FRMPD4: variants seen among roughly 807,000 people sequenced by gnomAD.
FRMPD4 encodes FERM and PDZ domain containing 4.
A neutral mutation model predicts 94.1 loss-of-function variants in FRMPD4; 22 were observed. The observed-to-expected ratio is 0.23, with a 90% CI of 0.17 to 0.33. The LOEUF (loss-of-function observed/expected upper bound fraction) is 0.33. Ranked by LOEUF, FRMPD4 falls within the 10% of genes least tolerant of loss-of-function variation. The pLI, the probability that FRMPD4 is intolerant of heterozygous loss-of-function variation, is 1.00. For synonymous variants in FRMPD4, 631 were observed against 548.6 expected (o/e 1.15, Z -2.10); for missense variants, 1,111 against 1,339.9 (o/e 0.83, Z 2.67).
chrX:11,840,474 T>C (rs745584919), intron 1 of FRMPD4, among the ~76,000 whole-genome samples: 73 of 110,928 alleles, frequency 6.6e-4, no homozygotes, highest in African/African-American at 2.2e-3. Context: ...TAGGAATTTT[T>C]AACATGTGGA....
intron 1 of FRMPD4, among the ~76,000 whole-genome samples, chrX:12,262,146 C>G (rs1256638225): frequency 1.8e-5 from 2 of 112,256 alleles, no homozygotes; most frequent in East Asian, 5.5e-4. Context: ...TATTGGAACA[C>G]AGCCATACCC....
chrX:12,380,552 C>T (rs1314456640), intron 1 of FRMPD4, among the ~76,000 whole-genome samples: 1 of 112,063 alleles, frequency 8.9e-6, no homozygotes, highest in Non-Finnish European at 1.9e-5. Context: ...GTCATGGGAA[C>T]TATTTTGCTT....
chrX:12,648,748 T>C (rs2059570321), intron 4 of FRMPD4, among the ~76,000 whole-genome samples: 1 of 112,180 alleles, frequency 8.9e-6, no homozygotes, highest in Admixed American at 9.5e-5. Flanking sequence ...AAAACCTTTT[T>C]ATGGGAACTT....
intron 3 of FRMPD4, among the ~76,000 whole-genome samples, chrX:11,909,701 C>T (rs2053986446): frequency 9.0e-6 from 1 of 110,855 alleles, no homozygotes; most frequent in South Asian, 3.8e-4. Context: ...GCTTTATCTG[C>T]ATCCCACACA....
intron 1 of FRMPD4, among the ~76,000 whole-genome samples, chrX:12,408,711 A>C (rs1185007821): frequency 9.0e-6 from 1 of 111,476 alleles, no homozygotes; most frequent in Non-Finnish European, 1.9e-5. Flanking sequence ...CAAAAACCCA[A>C]ACTGGCTAAT....
At chrX:12,346,278 GA>G (rs36067490) in intron 1 of FRMPD4, among the ~76,000 whole-genome samples, 202 of 100,130 alleles carry the variant, frequency 2.0e-3, no homozygotes, top group East Asian at 5.2e-3. Flanking sequence ...TGTTTTGCAG[GA>G]AAAAAAAAAA....
At chrX:12,107,530 C>T (rs762920966) in intron 3 of FRMPD4, among the ~76,000 whole-genome samples, 8 of 112,184 alleles carry the variant, frequency 7.1e-5, no homozygotes, top group South Asian at 3.7e-4. Context: ...TTGCCAGCAA[C>T]GGAACAAAGT....
chrX:11,824,479 G>A (rs953209479), intron 1 of FRMPD4, among the ~76,000 whole-genome samples: 1 of 111,325 alleles, frequency 9.0e-6, no homozygotes, highest in African/African-American at 3.3e-5. Flanking sequence ...GTGGGATGTT[G>A]AGAAGCATCC....
chrX:12,645,487 C>T (rs184146889), intron 4 of FRMPD4, among the ~76,000 whole-genome samples: 61 of 107,690 alleles, frequency 5.7e-4, no homozygotes, highest in African/African-American at 2.0e-3. Flanking sequence ...TCCCGAGTAG[C>T]TGGGATTGGA....
chrX:12,478,498 A>G (rs1411313376), intron 1 of FRMPD4, among the ~76,000 whole-genome samples: 2 of 111,918 alleles, frequency 1.8e-5, no homozygotes, highest in Non-Finnish European at 3.8e-5. Context: ...TGGGAGGATC[A>G]CTTGTGTCCT....
In FRMPD4 at chrX:12,519,097, A is replaced by T. The variant is rs776203852; in HGVS notation, c.158+20301A>T. On this transcript the variant is annotated intron_variant, in intron 2 of 16. Transcript: ENST00000675598. The stretch of plus-strand genomic sequence containing the variant: ...CCATACTAATGGATTGGAAGACTTA[A>T]TATTGTTAAATGTCAATATTGCCCA... Among the ~76,000 whole-genome samples the T allele has an allele frequency of 3.5e-5, 4 of 112,681 alleles. No individual in the cohort carries two copies. In the South Asian group the frequency reaches 1.4e-3, roughly 41 times the overall value.
intron 1 of FRMPD4, among the ~76,000 whole-genome samples, chrX:12,358,017 T>C (rs1287781834): frequency 3.6e-5 from 4 of 112,076 alleles, no homozygotes; most frequent in African/African-American, 1.3e-4. Context: ...CCTTCTTTCA[T>C]TTAGCATAAT....
chrX:12,097,627 C>T (rs4291442), intron 3 of FRMPD4, among the ~76,000 whole-genome samples: 10 of 112,076 alleles, frequency 8.9e-5, no homozygotes, highest in South Asian at 3.7e-4. Flanking sequence ...TATAGATTTG[C>T]GATTCTGAAC....
chrX:12,058,211 C>A (rs1364378042), intron 3 of FRMPD4, among the ~76,000 whole-genome samples: 1 of 111,715 alleles, frequency 9.0e-6, no homozygotes, highest in Non-Finnish European at 1.9e-5. Flanking sequence ...TCCCACTTAA[C>A]CTGTGCTCAG....
At chrX:12,334,662 T>TTGGCCCTTG (rs1220597633) in intron 1 of FRMPD4, among the ~76,000 whole-genome samples, 2 of 110,611 alleles carry the variant, frequency 1.8e-5, no homozygotes, top group African/African-American at 6.6e-5. Context: ...AAGAGGTGTT[T>TTGGCCCTTG]TGGCCCTTGT....
intron 1 of FRMPD4, among the ~76,000 whole-genome samples, chrX:11,850,342 T>G (rs1338393142): frequency 8.9e-6 from 1 of 112,655 alleles, no homozygotes; most frequent in Non-Finnish European, 1.9e-5. Context: ...TCTTTTGCAC[T>G]GTTAGTGGGA....
At chrX:12,646,195 G>C (rs921013699) in intron 4 of FRMPD4, among the ~76,000 whole-genome samples, 1 of 111,934 alleles carries the variant, frequency 8.9e-6, no homozygotes, top group African/African-American at 3.2e-5. Context: ...AATGTTTCAT[G>C]TAGTAATTGA....
At chrX:12,601,174 A>C (rs1310395772) in intron 2 of FRMPD4, among the ~76,000 whole-genome samples, 1 of 112,030 alleles carries the variant, frequency 8.9e-6, no homozygotes, top group Non-Finnish European at 1.9e-5. Context: ...GCTTGACTAA[A>C]CAGTTCTAAA....
At chrX:12,222,910 G>T (rs1170544954) in intron 1 of FRMPD4, among the ~76,000 whole-genome samples, 2 of 112,073 alleles carry the variant, frequency 1.8e-5, no homozygotes, top group Non-Finnish European at 3.8e-5. Flanking sequence ...CATTTGGATT[G>T]TTTCCAAGGA....
Sources: gnomAD v4.1 joint callset for allele counts (sites outside exome capture counted in the v4.1 genomes callset) on GRCh38, gnomAD v4.1.1 for gene constraint, MANE v1.5 for transcripts, NCBI Gene and HGNC (gene_info 2026-07-23, HGNC 2026-07-21) for gene names.